TSPAN3: variants seen among roughly 807,000 people sequenced by gnomAD.
TSPAN3 encodes tetraspanin-3.
In TSPAN3, 9 loss-of-function variants were observed where a neutral mutation model predicts 31.1. That is an observed-to-expected ratio of 0.29 (90% CI 0.17 to 0.50). The LOEUF (loss-of-function observed/expected upper bound fraction) is 0.50. Among genes scored for constraint, TSPAN3 ranks in the 20% least tolerant of loss-of-function variants. The probability of loss-of-function intolerance (pLI) is 0.98; values close to 1 mark genes in which losing one functional copy is unlikely to be tolerated. For synonymous variants in TSPAN3, 129 were observed against 114.3 expected (o/e 1.13, Z -0.82); for missense variants, 252 against 313.5 (o/e 0.80, Z 1.48).
chr15:77,049,229 C>T (rs1229920342), intron 6 of TSPAN3, among the ~76,000 whole-genome samples: 1 of 152,036 alleles, frequency 6.6e-6, no homozygotes, highest in East Asian at 1.9e-4. Context: ...CTCATTTTAA[C>T]GAATAACTGG....
intron 1 of TSPAN3, among the ~76,000 whole-genome samples, chr15:77,070,465 C>T (rs1350344316): frequency 6.6e-6 from 1 of 152,094 alleles, no homozygotes; most frequent in African/African-American, 2.4e-5. Context: ...GGGACGGCCA[C>T]TCGTCTGCGA....
chr15:77,050,723 A>C (rs920624642), intron 6 of TSPAN3, among the ~76,000 whole-genome samples: 1 of 152,210 alleles, frequency 6.6e-6, no homozygotes, highest in African/African-American at 2.4e-5. Flanking sequence ...CTCATATTTC[A>C]TTATTTTTAG....
intron 6 of TSPAN3, among the ~76,000 whole-genome samples, chr15:77,050,810 G>C (rs1017355178): frequency 5.3e-5 from 8 of 152,166 alleles, no homozygotes; most frequent in Admixed American, 5.2e-4. Context: ...GCTATGCAGA[G>C]CTACAGAGTA....
In TSPAN3 at chr15:77,046,346, T is replaced by G. The variant is rs1015430523; in HGVS notation, c.*489A>C. 24 of 401,400 alleles carry G rather than the reference T, an allele frequency of 6.0e-5. No homozygotes were observed. The highest frequency in any genetic ancestry group is 8.8e-5 in the Non-Finnish European group (20 of 227,452). 24.9% of individuals were successfully genotyped at this position (401,400 alleles called of 1,614,324 possible). On this transcript the variant is annotated 3_prime_UTR_variant, in exon 7 of 7. Transcript: ENST00000267970. ...TTAGTCATTTTGTACAGCTGCTATC[T>G]TATTGGACTACAGTAAATATTTTTT...
chr15:77,051,256 G>C (rs558962944), intron 6 of TSPAN3, among the ~76,000 whole-genome samples: 1 of 152,064 alleles, frequency 6.6e-6, no homozygotes, highest in South Asian at 2.1e-4. Context: ...GGCTGGGCGC[G>C]ATGGCTCACG....
chr15:77,070,982 C>T lies in TSPAN3; in HGVS notation c.-28G>A. 7.1e-7 allele frequency: 1 copy of T among 1,411,756 alleles called. No homozygotes were observed. Among genetic ancestry groups the T allele is most frequent in the East Asian group, 3.2e-5 (1 of 31,624 alleles). 87.5% of individuals were successfully genotyped at this position (1,411,756 alleles called of 1,614,324 possible). On this transcript the variant is annotated 5_prime_UTR_variant, in exon 1 of 7. Coordinates refer to ENST00000267970, the MANE Select transcript of TSPAN3 (RefSeq NM_005724.6). ...CGCCGGTGGCCCGCGAAGGCCCGGC[C>T]CGGAGAGCGGGGCTGCGCTCACCGA...
intron 1 of TSPAN3, chr15:77,070,055 T>A (rs2076857357): frequency 6.6e-6 from 1 of 152,094 alleles, no homozygotes; most frequent in Non-Finnish European, 1.5e-5. Flanking sequence ...AAAGTCCAGA[T>A]GGGCTGGAGG....
At chr15:77,065,978 T>C (rs529872193) in intron 1 of TSPAN3, among the ~76,000 whole-genome samples, 3 of 152,284 alleles carry the variant, frequency 2.0e-5, no homozygotes, top group African/African-American at 7.2e-5. Context: ...TCTATAAGCA[T>C]GGACAAAGCT....
At chr15:77,066,979 G>A (rs1199858925) in intron 1 of TSPAN3, among the ~76,000 whole-genome samples, 2 of 152,016 alleles carry the variant, frequency 1.3e-5, no homozygotes, top group East Asian at 3.9e-4. Context: ...AGGGGGCTGA[G>A]TATGCTGGCT....
chr15:77,052,501 G>C (rs2152695794), intron 5 of TSPAN3, 33 bp from the exon 6 acceptor site: 1 of 1,598,098 alleles, frequency 6.3e-7, no homozygotes, highest in South Asian at 1.1e-5. Flanking sequence ...CGTTAGAAGT[G>C]TTCTTTAAAA....
chr15:77,041,756 T>TATTCA lies in TSPAN3; in HGVS notation c.*5078_*5079insTGAAT, dbSNP rs1372641873. 5 of 152,288 alleles carry TATTCA rather than the reference T, an allele frequency of 3.3e-5. No individual in the cohort carries two copies. Among genetic ancestry groups the TATTCA allele is most frequent in the Admixed American group, 2.0e-4 (3 of 15,292 alleles). 9.4% of individuals were successfully genotyped at this position (152,288 alleles called of 1,614,324 possible). A position where few individuals can be genotyped will look rare whatever the true frequency, so the allele number is the denominator to read the frequency against. ...CCCTTGGAGTTCATGTAAAAATACA[T>TATTCA]GACACAGGGTGATGAAAGTGCTTTG... On this transcript the variant is annotated 3_prime_UTR_variant, in exon 7 of 7. Transcript: ENST00000267970.
chr15:77,066,365 T>A (rs1453313576), intron 1 of TSPAN3, among the ~76,000 whole-genome samples: 1 of 151,532 alleles, frequency 6.6e-6, no homozygotes, highest in Non-Finnish European at 1.5e-5. Flanking sequence ...AGGTCAGGAG[T>A]TCGAGACCAG....
intron 6 of TSPAN3, among the ~76,000 whole-genome samples, chr15:77,048,401 G>A (rs942353394): frequency 4.0e-5 from 6 of 150,840 alleles, no homozygotes; most frequent in African/African-American, 1.5e-4. Flanking sequence ...CTTTCAATTG[G>A]TTAACTTCTA....
intron 1 of TSPAN3, chr15:77,064,406 C>T (rs2076819033): frequency 6.6e-6 from 1 of 151,846 alleles, no homozygotes; most frequent in South Asian, 2.1e-4. Context: ...GGTCTAAGTA[C>T]AAACTTTATG....
chr15:77,068,829 T>A (rs2076849193), intron 1 of TSPAN3, among the ~76,000 whole-genome samples: 1 of 152,248 alleles, frequency 6.6e-6, no homozygotes, highest in Non-Finnish European at 1.5e-5. Context: ...TTCTTTTTTG[T>A]GGCTGCGTGG....
intron 6 of TSPAN3, among the ~76,000 whole-genome samples, chr15:77,051,243 T>G (rs945549662): frequency 5.3e-5 from 8 of 151,932 alleles, no homozygotes; most frequent in African/African-American, 1.9e-4. Flanking sequence ...AAGCATAAGC[T>G]GAGGCTGGGC....
At position 77,071,052 on chromosome 15, in the gene TSPAN3, G is replaced by C. The variant is rs551174565; in HGVS notation, c.-98C>G. The C allele has an allele frequency of 2.4e-6, 2 of 841,776 alleles. No homozygotes were observed. The highest frequency in any genetic ancestry group is 7.6e-5 in the East Asian group (2 of 26,470). The allele number at this position is 841,776 out of a possible 1,614,324, so 52.1% of individuals were successfully genotyped here. On this transcript the variant is annotated 5_prime_UTR_variant, in exon 1 of 7. Coordinates refer to ENST00000267970, the MANE Select transcript of TSPAN3 (RefSeq NM_005724.6). ...GCGCCTCCTCGCTAGGAACTGCACG[G>C]CCTGCGCGGCGCTCCCCGCAGCCCC...
At chr15:77,059,835 T>C (rs919144657) in intron 1 of TSPAN3, among the ~76,000 whole-genome samples, 2 of 152,194 alleles carry the variant, frequency 1.3e-5, no homozygotes, top group Non-Finnish European at 2.9e-5. Context: ...GCATTTTAGA[T>C]ATAAATTGAT....
In TSPAN3 at chr15:77,070,826, G is replaced by A. The variant is rs540590564; in HGVS notation, c.63+66C>T. On this transcript the variant is annotated intron_variant, in intron 1 of 6. Coordinates refer to ENST00000267970, the MANE Select transcript of TSPAN3 (RefSeq NM_005724.6). ...GCCCAGGCCCAAGCCCGGCCCCCACGGGCGCCTCCGCCGCGGCCTCGCCCG... is the reference window on the plus strand; with the variant it reads ...GCCCAGGCCCAAGCCCGGCCCCCACAGGCGCCTCCGCCGCGGCCTCGCCCG... The A allele has an allele frequency of 8.6e-5, 87 of 1,005,836 alleles. No individual in the cohort carries two copies. In the African/African-American group the frequency reaches 1.4e-3, roughly 17 times the overall value. 62.3% of individuals were successfully genotyped at this position (1,005,836 alleles called of 1,614,324 possible). A position where few individuals can be genotyped will look rare whatever the true frequency, so the allele number is the denominator to read the frequency against.
Sources: gnomAD v4.1 joint callset for allele counts (sites outside exome capture counted in the v4.1 genomes callset) on GRCh38, gnomAD v4.1.1 for gene constraint, MANE v1.5 for transcripts, NCBI Gene and HGNC (gene_info 2026-07-23, HGNC 2026-07-21) for gene names.